Variants in DPP6 observed in about 807,000 individuals in gnomAD.
The protein encoded by DPP6 is A-type potassium channel modulatory protein DPP6.
A neutral mutation model predicts 122.6 loss-of-function variants in DPP6; 69 were observed. The observed-to-expected ratio is 0.56, with a 90% CI of 0.46 to 0.69. The LOEUF is 0.69. DPP6 is among the 30% of genes least tolerant of loss of function. The probability of loss-of-function intolerance (pLI) is 0.00; values close to 1 mark genes in which losing one functional copy is unlikely to be tolerated. For synonymous variants in DPP6, 418 were observed against 433.1 expected, an observed-to-expected ratio of 0.97 and a Z score of 0.43; for missense variants, 928 against 1,116.9, an observed-to-expected ratio of 0.83 and a Z score of 2.41.
chr7:154,378,681 A>G (rs1206307423), intron 1 of DPP6, among the ~76,000 whole-genome samples: 1 of 152,208 alleles, frequency 6.6e-6, no homozygotes, highest in African/African-American at 2.4e-5. Context: ...TACCTTTTGT[A>G]TTAGTCTGTT....
chr7:154,289,329 A>G (rs1450721222), intron 1 of DPP6, among the ~76,000 whole-genome samples: 1 of 152,146 alleles, frequency 6.6e-6, no homozygotes, highest in Non-Finnish European at 1.5e-5. Flanking sequence ...TCAGTGTGGG[A>G]TGCGTAACAC....
At chr7:153,994,910 G>A in intron 1 of DPP6, among the ~76,000 whole-genome samples, 1 of 152,204 alleles carries the variant, frequency 6.6e-6, no homozygotes, top group Admixed American at 6.5e-5. Flanking sequence ...GCAGACATTT[G>A]GACTCCCTTA....
At chr7:154,383,340 C>T (rs1476579531) in intron 1 of DPP6, among the ~76,000 whole-genome samples, 1 of 152,226 alleles carries the variant, frequency 6.6e-6, no homozygotes, top group Non-Finnish European at 1.5e-5. Context: ...CTGTTTTCCA[C>T]TTTGCAGCCT....
intron 1 of DPP6, among the ~76,000 whole-genome samples, chr7:154,239,038 G>A (rs1801399312): frequency 6.6e-6 from 1 of 152,210 alleles, no homozygotes; most frequent in Non-Finnish European, 1.5e-5. Context: ...TGGGTGGCTG[G>A]GATGGTAAAG....
chr7:154,880,159 G>T (rs903094977), intron 20 of DPP6, among the ~76,000 whole-genome samples: 3 of 152,192 alleles, frequency 2.0e-5, no homozygotes, highest in African/African-American at 7.2e-5. Flanking sequence ...GCCTGCAGGC[G>T]TCCTGCTGCT....
chr7:154,777,800 A>G (rs1796676417), intron 10 of DPP6, among the ~76,000 whole-genome samples: 1 of 151,994 alleles, frequency 6.6e-6, no homozygotes, highest in South Asian at 2.1e-4. Flanking sequence ...CACAAAACCA[A>G]CCATGTCCCT....
At chr7:154,696,161 A>AC (rs1459700263) in intron 7 of DPP6, among the ~76,000 whole-genome samples, 1 of 152,176 alleles carries the variant, frequency 6.6e-6, no homozygotes, top group Admixed American at 6.5e-5. Context: ...GGGTCACCTG[A>AC]CAGTGTGTCT....
chr7:154,837,591 CCAGTGA>C (rs1331226409), intron 16 of DPP6, among the ~76,000 whole-genome samples: 3 of 152,078 alleles, frequency 2.0e-5, no homozygotes, highest in African/African-American at 7.2e-5. Context: ...TGTCCCTGGG[CCAGTGA>C]CAGAATTTGT....
Position 154,061,474 on chromosome 7 carries a change from A to T in DPP6, c.243+8411A>T, listed in dbSNP as rs367599072. On this transcript the variant is annotated intron_variant, in intron 1 of 25. Coordinates refer to ENST00000377770, the MANE Select transcript of DPP6 (RefSeq NM_130797.4). ...GTTGCTAAAGGATGGCCCCCCTATT[A>T]GAGGGCCTTGGCAGCAACTGCCCTG... Among the ~76,000 whole-genome samples, 1,269 of 127,726 alleles carry T rather than the reference A, an allele frequency of 9.9e-3. 6 individuals carry two copies. Among genetic ancestry groups the T allele is most frequent in the East Asian group, 0.019 (80 of 4,226 alleles). The allele number at this position is 127,726 out of a possible 152,430, so 83.8% of individuals were successfully genotyped here.
intron 1 of DPP6, among the ~76,000 whole-genome samples, chr7:153,951,101 C>A (rs2129021291): frequency 8.4e-6 from 1 of 119,452 alleles, no homozygotes; most frequent in South Asian, 3.5e-4. Flanking sequence ...AATAAAAAAA[C>A]CGGAGGTCAA....
At position 154,061,659 on chromosome 7, in the gene DPP6, A is replaced by G. The variant is rs892035872; in HGVS notation, c.243+8596A>G. The stretch of plus-strand genomic sequence containing the variant: ...GCTGCGAGGCGGGGACTCAGAGCCA[A>G]CCCCTCTTCCCCCCCTGGCTCTTGG... On this transcript the variant is annotated intron_variant, in intron 1 of 25. Coordinates refer to ENST00000377770, the MANE Select transcript of DPP6 (RefSeq NM_130797.4). 5.8e-3 allele frequency among the ~76,000 whole-genome samples: 519 copies of G among 89,756 alleles called. 43 individuals carry two copies. Among genetic ancestry groups the G allele is most frequent in the African/African-American group, 0.023 (496 of 22,022 alleles). 58.9% of individuals were successfully genotyped at this position (89,756 alleles called of 152,430 possible).
At chr7:154,453,996 T>C (rs1275753298) in intron 2 of DPP6, among the ~76,000 whole-genome samples, 1 of 152,202 alleles carries the variant, frequency 6.6e-6, no homozygotes. Context: ...AATGCATACC[T>C]CCTAATTTTT....
intron 17 of DPP6, among the ~76,000 whole-genome samples, chr7:154,864,956 A>T (rs1161495560): frequency 6.6e-6 from 1 of 152,212 alleles, no homozygotes; most frequent in East Asian, 1.9e-4. Flanking sequence ...TTGCTCCCTG[A>T]GTTTAACCTT....
intron 1 of DPP6, among the ~76,000 whole-genome samples, chr7:154,043,656 A>G (rs1294791085): frequency 3.4e-5 from 5 of 148,172 alleles, no homozygotes; most frequent in South Asian, 2.2e-4. Context: ...GAATATCTCA[A>G]TTGGGAAACT....
At chr7:154,024,870 A>C (rs1343791229) in intron 1 of DPP6, among the ~76,000 whole-genome samples, 1 of 152,178 alleles carries the variant, frequency 6.6e-6, no homozygotes, top group East Asian at 1.9e-4. Flanking sequence ...TGTAAAATCA[A>C]GGTCTTCACC....
chr7:154,042,166 G>A (rs1386908987), intron 1 of DPP6, among the ~76,000 whole-genome samples: 1 of 152,084 alleles, frequency 6.6e-6, no homozygotes, highest in African/African-American at 2.4e-5. Flanking sequence ...CCAGGGGAGG[G>A]GTCCCTCCTC....
intron 17 of DPP6, among the ~76,000 whole-genome samples, chr7:154,866,102 A>C (rs140086345): frequency 0.027 from 4,110 of 152,288 alleles, 218 homozygotes; most frequent in Admixed American, 0.14. Flanking sequence ...GCTTGCGTTG[A>C]TGGAGGAGAA....
intron 1 of DPP6, among the ~76,000 whole-genome samples, chr7:154,383,560 ATT>A (rs537596906): frequency 6.6e-6 from 1 of 152,124 alleles, no homozygotes; most frequent in Non-Finnish European, 1.5e-5. Context: ...ATGGTGGAAG[ATT>A]TTTTTCTCTG....
At chr7:154,664,601 T>C (rs1838026327) in intron 6 of DPP6, among the ~76,000 whole-genome samples, 1 of 152,116 alleles carries the variant, frequency 6.6e-6, no homozygotes, top group South Asian at 2.1e-4. Context: ...TACTAATTTA[T>C]TTGTTTGTTC....
Sources: allele counts gnomAD v4.1 joint callset (sites outside exome capture counted in the v4.1 genomes callset), GRCh38; gene constraint gnomAD v4.1.1; transcripts MANE v1.5; gene names NCBI Gene and HGNC (gene_info 2026-07-23, HGNC 2026-07-21).